The following PDE9A variants were observed in gnomAD, a reference collection of about 807,000 sequenced individuals.
PDE9A encodes the protein high affinity cGMP-specific 3',5'-cyclic phosphodiesterase 9A.
PDE9A carries 60 observed loss-of-function variants against 87.4 expected under a neutral mutation model. The ratio of observed to expected loss-of-function variants is 0.69; its 90% CI spans 0.56 to 0.85. The LOEUF (loss-of-function observed/expected upper bound fraction) is 0.85. Ranked by LOEUF, PDE9A falls within the 40% of genes least tolerant of loss-of-function variation. PDE9A has a pLI of 0.00. For synonymous variants in PDE9A, 272 were observed against 279.4 expected (o/e 0.97, Z 0.27); for missense variants, 665 against 779.0 (o/e 0.85, Z 1.74).
intron 8 of PDE9A, among the ~76,000 whole-genome samples, chr21:42,744,143 A>C (rs1440048233): frequency 6.6e-6 from 1 of 152,234 alleles, no homozygotes; most frequent in Non-Finnish European, 1.5e-5. Flanking sequence ...ACCTGAGGAC[A>C]GGAGTTCAAT....
At chr21:42,703,860 G>A (rs1376527631) in intron 4 of PDE9A, among the ~76,000 whole-genome samples, 2 of 152,218 alleles carry the variant, frequency 1.3e-5, no homozygotes, top group East Asian at 1.9e-4. Context: ...ATTAAACTTC[G>A]CATCGTAAAG....
Position 42,675,704 on chromosome 21 carries a change from G to A in PDE9A, c.70-10488G>A, listed in dbSNP as rs1021581172. Among the ~76,000 whole-genome samples the A allele has an allele frequency of 3.9e-5, 6 of 152,162 alleles. No individual in the cohort carries two copies. Among genetic ancestry groups the A allele is most frequent in the Admixed American group, 6.5e-5 (1 of 15,274 alleles). Reference sequence around the variant, plus strand: ...CCCATGCAGCCATAAGAAAGACAACGGAGAGATCTGTGTACCCTCCACCCA... The same window carrying A: ...CCCATGCAGCCATAAGAAAGACAACAGAGAGATCTGTGTACCCTCCACCCA... On this transcript the variant is annotated intron_variant, in intron 1 of 19. Coordinates refer to ENST00000291539, the MANE Select transcript of PDE9A (RefSeq NM_002606.3). The surrounding 1 kb of genome is among the most constrained non-coding windows in gnomAD (Gnocchi z 4.3).
chr21:42,749,000 G>A (rs907124768), intron 8 of PDE9A, among the ~76,000 whole-genome samples: 1 of 152,202 alleles, frequency 6.6e-6, no homozygotes, highest in Non-Finnish European at 1.5e-5. Context: ...TCATGCGGAG[G>A]CACTGTGCTG....
At chr21:42,726,624 A>ATTTTTTTTTTTTTTTTT (rs1197356167) in intron 4 of PDE9A, among the ~76,000 whole-genome samples, 2 of 19,780 alleles carry the variant, frequency 1.0e-4, no homozygotes, top group African/African-American at 3.4e-4. Context: ...ATATATATAT[A>ATTTTTTTTTTTTTTTTT]TTTTTTTTTT....
At chr21:42,711,427 A>G (rs1197961937) in intron 4 of PDE9A, among the ~76,000 whole-genome samples, 2 of 151,454 alleles carry the variant, frequency 1.3e-5, no homozygotes, top group East Asian at 1.9e-4. Context: ...ATTTTTTTGT[A>G]TTTTTAGTAG....
At chr21:42,766,249 G>T (rs2056386765) in intron 15 of PDE9A, among the ~76,000 whole-genome samples, 1 of 152,196 alleles carries the variant, frequency 6.6e-6, no homozygotes, top group Non-Finnish European at 1.5e-5. Context: ...GATCGCTGGA[G>T]CCCAGGTCCA....
At chr21:42,733,526 CAAAT>C (rs34774154) in intron 7 of PDE9A, 100 bp downstream of exon 7, 80,842 of 710,588 alleles carry the variant, frequency 0.11, 5,643 homozygotes, top group East Asian at 0.3. Flanking sequence ...AAGGTAAATA[CAAAT>C]AAATGTCTTT....
At chr21:42,714,485 A>G (rs991894084) in intron 4 of PDE9A, among the ~76,000 whole-genome samples, 2 of 151,788 alleles carry the variant, frequency 1.3e-5, no homozygotes, top group African/African-American at 2.4e-5. Context: ...GTCTTTGTTC[A>G]TATGGTTGGG....
chr21:42,669,985 A>G (rs1490000371), intron 1 of PDE9A, among the ~76,000 whole-genome samples: 1 of 150,452 alleles, frequency 6.6e-6, no homozygotes, highest in African/African-American at 2.4e-5. Flanking sequence ...GATCCAAGAT[A>G]ATGTGGGTGC....
chr21:42,733,534 T>C (rs958206458), intron 7 of PDE9A, 108 bp downstream of exon 7: 11 of 689,408 alleles, frequency 1.6e-5, no homozygotes, highest in Admixed American at 4.9e-5. Context: ...TACAAATAAA[T>C]GTCTTTTCTT....
intron 4 of PDE9A, among the ~76,000 whole-genome samples, chr21:42,728,082 G>T (rs1204706561): frequency 2.6e-5 from 4 of 152,152 alleles, no homozygotes; most frequent in Non-Finnish European, 5.9e-5. Context: ...TTAAAAACAA[G>T]AAAAACAATA....
At position 42,751,193 on chromosome 21, in the gene PDE9A, C is replaced by T; in HGVS notation, c.731C>T (p.Pro244Leu). 6.2e-7 allele frequency: 1 copy of T among 1,605,764 alleles called. No individual in the cohort carries two copies. The highest frequency in any genetic ancestry group is 1.1e-5 in the South Asian group (1 of 90,930). Residue 244 changes from proline (P) to leucine (L), a missense_variant, in exon 9 of 20, where the codon CCC becomes CTC. Physicochemically the swap from Pro to Leu is moderately conservative, Grantham distance 98. Transcript: ENST00000291539. The part of the protein sequence containing the change: ...LTPRRDVPTY[P>L]KYLLSPETIE... ...CCTCGACGCGATGTTCCCACTTACC[C>T]CAAGGTAAGATGAGATTCCGGCCCA...
chr21:42,726,616 A>T (rs1160913137), intron 4 of PDE9A, among the ~76,000 whole-genome samples: 981 of 22,830 alleles, frequency 0.043, 54 homozygotes, highest in African/African-American at 0.17. Context: ...ATATATATAT[A>T]TATATATATT....
rs1404583396 is a variant in PDE9A at position 42,704,002 on chromosome 21, C to G, written c.262+4991C>G. On this transcript the variant is annotated intron_variant, in intron 4 of 19. Coordinates refer to ENST00000291539, the MANE Select transcript of PDE9A (RefSeq NM_002606.3). This position sits in a 1 kb window ranked among gnomAD's most constrained non-coding sequence, Gnocchi z 5.3. ...CTGGGGTTGGTTCAGGAGCATTCGGCCCAGGCTGTGATCTCGAGAAGGTGG... is the reference window on the plus strand; with the variant it reads ...CTGGGGTTGGTTCAGGAGCATTCGGGCCAGGCTGTGATCTCGAGAAGGTGG... 6.6e-6 allele frequency among the ~76,000 whole-genome samples: 1 copy of G among 152,214 alleles called. No homozygotes were observed. Among genetic ancestry groups the G allele is most frequent in the East Asian group, 1.9e-4 (1 of 5,196 alleles).
intron 10 of PDE9A, 81 bp from the exon 11 acceptor site, chr21:42,758,918 G>A (rs2055368047): frequency 2.8e-6 from 3 of 1,071,986 alleles, no homozygotes; most frequent in Non-Finnish European, 4.3e-6. Context: ...GGCACTCCGA[G>A]GACAGCAGAG....
chr21:42,744,810 G>A (rs919693322), intron 8 of PDE9A, among the ~76,000 whole-genome samples: 1 of 152,246 alleles, frequency 6.6e-6, no homozygotes, highest in Non-Finnish European at 1.5e-5. Flanking sequence ...GCCGGTAGTA[G>A]CAAAGAGACG....
At chr21:42,678,124 GA>G (rs2058955818) in intron 1 of PDE9A, among the ~76,000 whole-genome samples, 1 of 152,226 alleles carries the variant, frequency 6.6e-6, no homozygotes, top group South Asian at 2.1e-4. Flanking sequence ...ATAGAAAAAT[GA>G]ACCAGGGTCT....
chr21:42,769,520 G>GCACACAGGCA (rs1373615145), intron 17 of PDE9A, among the ~76,000 whole-genome samples: 1 of 52,272 alleles, frequency 1.9e-5, no homozygotes, highest in Admixed American at 2.2e-4. Flanking sequence ...TGCACACAAG[G>GCACACAGGCA]CACACAGGCA....
At chr21:42,715,883 C>CATTCCCTGGGTT (rs1555919700) in intron 4 of PDE9A, among the ~76,000 whole-genome samples, 1 of 151,832 alleles carries the variant, frequency 6.6e-6, no homozygotes, top group Non-Finnish European at 1.5e-5. Context: ...AATCGGTTCA[C>CATTCCCTGGGTT]TGCCTTCAAA....
Sources: allele counts gnomAD v4.1 joint callset (sites outside exome capture counted in the v4.1 genomes callset), GRCh38; gene constraint gnomAD v4.1.1; non-coding constraint Gnocchi (gnomAD v3.1); transcripts MANE v1.5; gene names NCBI Gene and HGNC (gene_info 2026-07-23, HGNC 2026-07-21).